Variants in SLFN13 observed in about 807,000 individuals in gnomAD.
SLFN13 encodes schlafen-13.
SLFN13 carries 43 observed loss-of-function variants against 50.6 expected under a neutral mutation model. That is an observed-to-expected ratio of 0.85 (90% CI 0.67 to 1.09). The LOEUF (loss-of-function observed/expected upper bound fraction) is 1.09, where lower values mean the gene tolerates loss of function less well. SLFN13 is among the 50% of genes least tolerant of loss of function. The pLI, the probability that SLFN13 is intolerant of heterozygous loss-of-function variation, is 0.00. For synonymous variants in SLFN13, 339 were observed against 386.5 expected (o/e 0.88, Z 1.44); for missense variants, 881 against 1,071.1 (o/e 0.82, Z 2.48).
upstream of SLFN13, among the ~76,000 whole-genome samples, chr17:35,449,259 AAT>A (rs1337137974): frequency 7.0e-6 from 1 of 141,860 alleles, no homozygotes; most frequent in African/African-American, 2.7e-5. Context: ...AAAAAAAAAA[AAT>A]GTCTGGAAAC....
Position 35,445,372 on chromosome 17 carries a change from C to T in SLFN13, c.309G>A (p.Arg103=). 3 of 1,613,998 alleles carry T rather than the reference C, an allele frequency of 1.9e-6. No homozygotes were observed. The highest frequency in any genetic ancestry group is 2.5e-6 in the Non-Finnish European group (3 of 1,179,994). ...QAFFETKQHG[R]CFYIFVKSWS... ...AAGATTTAACAAAAATATAAAAACA[C>T]CTTCCGTGTTGCTTAGTCTCAAAGA... Residue 103 remains arginine (R), a synonymous_variant, in exon 3 of 6, where the codon AGG becomes AGA. Transcript: ENST00000285013.
In SLFN13 at chr17:35,443,805, T is replaced by C. The variant is rs1167179417; in HGVS notation, c.1182A>G (p.Gln394=). 2.5e-6 allele frequency: 4 copies of C among 1,611,586 alleles called. No individual in the cohort carries two copies. The African/African-American group carries it at 4.0e-5, about 16-fold the overall frequency. The part of the protein sequence containing the change: ...KKGLEHKADL[Q]QHLFPVPPGH... ...AGTCAGTACCTGGAAATAAATGTTG[T>C]TGTAGATCAGCTTTGTGTTCCAGAC... Residue 394 remains glutamine (Q), a synonymous_variant, in exon 4 of 6, where the codon CAA becomes CAG. Coordinates refer to ENST00000285013, the MANE Select transcript of SLFN13 (RefSeq NM_144682.6).
rs1334833296 is a variant in SLFN13, at chr17:35,437,877, A to G, written c.*2718T>C. The G allele has an allele frequency of 6.6e-6, 1 of 152,154 alleles. No homozygotes were observed. Among genetic ancestry groups the G allele is most frequent in the Non-Finnish European group, 1.5e-5 (1 of 68,030 alleles). The allele number at this position is 152,154 out of a possible 1,614,324, so 9.4% of individuals were successfully genotyped here. On this transcript the variant is annotated 3_prime_UTR_variant, in exon 6 of 6. Transcript: ENST00000285013. Reference sequence around the variant, plus strand: ...GTTTCATTTTACAATGGCTGGATAGATTTTCAGATCTTTAATGAAGCAGGT... The same window carrying G: ...GTTTCATTTTACAATGGCTGGATAGGTTTTCAGATCTTTAATGAAGCAGGT...
rs2142092121 is a variant in SLFN13, at chr17:35,445,330, G to A, written c.351C>T (p.Phe117=). 5 of 1,613,786 alleles carry A rather than the reference G, an allele frequency of 3.1e-6. No individual in the cohort carries two copies. Among genetic ancestry groups the A allele is most frequent in the Non-Finnish European group, 3.4e-6 (4 of 1,179,966 alleles). The change falls in exon 3 of 6, where the codon TTC becomes TTT. Residue 117 remains phenylalanine, a synonymous_variant. Transcript: ENST00000285013. The part of the protein sequence containing the change: ...IFVKSWSGDP[F]LKDGSFNSRI... ...GGGAATTGAAAGAACCATCTTTAAG[G>A]AAAGGATCACCACTCCAAGATTTAA...
In SLFN13 at chr17:35,438,476, A is replaced by T. The variant is rs1912701235; in HGVS notation, c.*2119T>A. ...TTCAACCAGTCAGAATTAGACTTTT[A>T]AAGAATTACTCTCAAAGGCTGAAAT... On this transcript the variant is annotated 3_prime_UTR_variant, in exon 6 of 6. Transcript: ENST00000285013. 6.6e-6 allele frequency: 1 copy of T among 152,160 alleles called. No homozygotes were observed. The highest frequency in any genetic ancestry group is 2.1e-4 in the South Asian group (1 of 4,836). 9.4% of individuals were successfully genotyped at this position (152,160 alleles called of 1,614,324 possible).
chr17:35,439,850 A>G lies in SLFN13; in HGVS notation c.*745T>C, dbSNP rs1912765426. 6.6e-6 allele frequency: 1 copy of G among 152,086 alleles called. No individual in the cohort carries two copies. 9.4% of individuals were successfully genotyped at this position (152,086 alleles called of 1,614,324 possible). A position where few individuals can be genotyped will look rare whatever the true frequency, so the allele number is the denominator to read the frequency against. On this transcript the variant is annotated 3_prime_UTR_variant, in exon 6 of 6. Transcript: ENST00000285013. ...ACATCTGATACACACTTTCAGAACC[A>G]GATTTGGGTTTCTAATATTAACTTC...
chr17:35,444,565 T>C, intron 3 of SLFN13, 50 bp downstream of exon 3: 1 of 1,505,386 alleles, frequency 6.6e-7, no homozygotes, highest in Non-Finnish European at 9.1e-7. Flanking sequence ...GGAAGTGGTA[T>C]TGGGGAAGAG....
chr17:35,443,889 C>A lies in SLFN13; in HGVS notation c.1098G>T (p.Glu366Asp). The A allele has an allele frequency of 1.9e-6, 3 of 1,613,730 alleles. No homozygotes were observed. Among genetic ancestry groups the A allele is most frequent in the Non-Finnish European group, 2.5e-6 (3 of 1,179,720 alleles). Residue 366 changes from glutamate (E) to aspartate (D), a missense_variant, in exon 4 of 6, where the codon GAG becomes GAT. Glu to Asp is a conservative substitution (Grantham distance 45). This residue lies in a region of SLFN13 where 497 missense variants were observed against 518.3 expected (regional missense o/e 0.96). Transcript: ENST00000285013. Reference sequence around the variant, plus strand: ...GACTGTCAGATAGACTCAACTGAGACTCAAAGGCCTCAGCAAAGTCTGGAG... The same window carrying A: ...GACTGTCAGATAGACTCAACTGAGAATCAAAGGCCTCAGCAAAGTCTGGAG... Reference protein sequence around the residue: ...EFPPDFAEAFESQLSLSDSPS... With the variant: ...EFPPDFAEAFDSQLSLSDSPS...
Position 35,445,115 on chromosome 17 carries a change from G to T in SLFN13, c.566C>A (p.Ala189Glu). The T allele has an allele frequency of 6.2e-7, 1 of 1,613,512 alleles. No individual in the cohort carries two copies. The highest frequency in any genetic ancestry group is 1.1e-5 in the South Asian group (1 of 91,080). ...AGTGTCAGTTTGGAAAACTTCATAT[G>T]CAGGATTTGACTCAGATATGTTCTG... is the stretch of plus-strand genomic sequence containing the variant. ...VYQNISESNPAYEVFQTDTIE... is the reference protein window; with the variant it reads ...VYQNISESNPEYEVFQTDTIE... The change falls in exon 3 of 6, where the codon GCA (alanine) becomes GAA (glutamate). Residue 189 changes from alanine (A) to glutamate (E), a missense_variant. Coordinates refer to ENST00000285013, the MANE Select transcript of SLFN13 (RefSeq NM_144682.6).
chr17:35,441,218 C>G lies in SLFN13; in HGVS notation c.2071G>C (p.Glu691Gln). Residue 691 changes from glutamate to glutamine, a missense_variant, in exon 6 of 6, where the codon GAA becomes CAA. Around this residue, in one of 5 missense-constraint regions of SLFN13, gnomAD observed 322 missense variants for 327.4 expected, o/e 0.98. Transcript: ENST00000285013. Reference sequence around the variant, plus strand: ...CAGAGAACTCCTGGACAATCCTTTTCTCTCTGAGTGATGGTTTTTGCCTTC... The same window carrying G: ...CAGAGAACTCCTGGACAATCCTTTTGTCTCTGAGTGATGGTTTTTGCCTTC... ...YRKAKTITQREKDCPGVLWIF... is the reference protein window; with the variant it reads ...YRKAKTITQRQKDCPGVLWIF... 6.2e-7 allele frequency: 1 copy of G among 1,614,118 alleles called. No homozygotes were observed. Among genetic ancestry groups the G allele is most frequent in the Non-Finnish European group, 8.5e-7 (1 of 1,180,020 alleles).
At position 35,442,140 on chromosome 17, in the gene SLFN13, G is replaced by A. The variant is rs1912944144; in HGVS notation, c.1345C>T (p.Leu449=). ...ACTCCTGGCTTCTCCTGCAAGTTCAGGTCCACAGCCCAGCTTCTAGAGAGG... is the reference window on the plus strand; with the variant it reads ...ACTCCTGGCTTCTCCTGCAAGTTCAAGTCCACAGCCCAGCTTCTAGAGAGG... ...VILSRSWAVD[L]NLQEKPGVIC... Residue 449 remains leucine, a synonymous_variant, in exon 5 of 6, where the codon CTG becomes TTG. Coordinates refer to ENST00000285013, the MANE Select transcript of SLFN13 (RefSeq NM_144682.6). 1.9e-6 allele frequency: 3 copies of A among 1,614,124 alleles called. No homozygotes were observed. Among genetic ancestry groups the A allele is most frequent in the African/African-American group, 1.3e-5 (1 of 74,934 alleles).
chr17:35,441,443 G>A (rs1432083287), intron 5 of SLFN13, 77 bp from the exon 6 acceptor site: 26 of 1,578,734 alleles, frequency 1.6e-5, no homozygotes, highest in South Asian at 7.1e-5. Context: ...ATGTTCCTCC[G>A]AGCACAGTAT....
At position 35,445,687 on chromosome 17, in the gene SLFN13, C is replaced by G. The variant is rs781121681; in HGVS notation, c.-7G>C. 8 of 1,579,404 alleles carry G rather than the reference C, an allele frequency of 5.1e-6. No individual in the cohort carries two copies. In the African/African-American group the frequency reaches 9.5e-5, roughly 19 times the overall value. On this transcript the variant is annotated 5_prime_UTR_variant, in exon 3 of 6. Transcript: ENST00000285013. ...AGCAGTGATTTGCCTCCATGTTGAA[C>G]TTGCACCTTAAAGTATTAGAATATT...
rs1485802918 is a variant in SLFN13, at chr17:35,440,316, A to G, written c.*279T>C. On this transcript the variant is annotated 3_prime_UTR_variant, in exon 6 of 6. Coordinates refer to ENST00000285013, the MANE Select transcript of SLFN13 (RefSeq NM_144682.6). ...CCCAGAGAGCAAGACACAGGTCTGCATTGTGCAGCACAGCTAAAGTTCCTT... is the reference window on the plus strand; with the variant it reads ...CCCAGAGAGCAAGACACAGGTCTGCGTTGTGCAGCACAGCTAAAGTTCCTT... 4.2e-6 allele frequency: 2 copies of G among 473,268 alleles called. No individual in the cohort carries two copies. The highest frequency in any genetic ancestry group is 7.5e-6 in the Non-Finnish European group (2 of 265,208). The allele number at this position is 473,268 out of a possible 1,614,324, so 29.3% of individuals were successfully genotyped here.
chr17:35,446,414 C>T (rs374304301), intron 2 of SLFN13, among the ~76,000 whole-genome samples: 11 of 152,186 alleles, frequency 7.2e-5, no homozygotes, highest in African/African-American at 2.4e-4. Context: ...AGGCAATAAA[C>T]CAGGGGCTAA....
intron 4 of SLFN13, 88 bp downstream of exon 4, chr17:35,443,701 G>A (rs1194379335): frequency 1.4e-6 from 2 of 1,422,068 alleles, no homozygotes; most frequent in African/African-American, 1.4e-5. Context: ...ACCTGGATCT[G>A]CAGGACACAA....
intron 2 of SLFN13, chr17:35,446,036 G>A (rs1260446003): frequency 5.5e-6 from 1 of 182,850 alleles, no homozygotes; most frequent in African/African-American, 2.4e-5. Flanking sequence ...GAAATCATTA[G>A]CATTGAAACA....
Position 35,444,554 on chromosome 17 carries a change from A to C in SLFN13, c.1066+61T>G, listed in dbSNP as rs1361516901. On this transcript the variant is annotated intron_variant, in intron 3 of 5. Transcript: ENST00000285013. ...GAAGGTCAAGCTTAGAGAATAAAGA[A>C]GGAAGTGGTATTGGGGAAGAGGTAG... is the stretch of plus-strand genomic sequence containing the variant. The C allele has an allele frequency of 2.8e-6, 4 of 1,416,890 alleles. No individual in the cohort carries two copies. In the East Asian group the frequency reaches 9.2e-5, roughly 32 times the overall value. 87.8% of individuals were successfully genotyped at this position (1,416,890 alleles called of 1,614,324 possible).
rs926292678 is a variant in SLFN13 at position 35,437,727 on chromosome 17, G to A, written c.*2868C>T. 1 of 152,000 alleles carries A rather than the reference G, an allele frequency of 6.6e-6. No homozygotes were observed. Among genetic ancestry groups the A allele is most frequent in the African/African-American group, 2.4e-5 (1 of 41,392 alleles). The allele number at this position is 152,000 out of a possible 1,614,324, so 9.4% of individuals were successfully genotyped here. A position where few individuals can be genotyped will look rare whatever the true frequency, so the allele number is the denominator to read the frequency against. ...AGAAATCTTAAAGGAAATAAGCTAGGTTTAAAAAAATTTTAAAAAGGAGGG... is the reference window on the plus strand; with the variant it reads ...AGAAATCTTAAAGGAAATAAGCTAGATTTAAAAAAATTTTAAAAAGGAGGG... On this transcript the variant is annotated 3_prime_UTR_variant, in exon 6 of 6. Coordinates refer to ENST00000285013, the MANE Select transcript of SLFN13 (RefSeq NM_144682.6).
Sources: allele counts gnomAD v4.1 joint callset (sites outside exome capture counted in the v4.1 genomes callset), GRCh38; gene constraint gnomAD v4.1.1; regional missense constraint gnomAD v4.1.1; transcripts MANE v1.5; gene names NCBI Gene and HGNC (gene_info 2026-07-23, HGNC 2026-07-21).